Variants in NCAM2 observed in about 807,000 individuals in gnomAD.
The protein encoded by NCAM2 is N-CAM-2.
In NCAM2, 30 loss-of-function variants were observed where a neutral mutation model predicts 98.1. The observed-to-expected ratio is 0.31, with a 90% CI of 0.23 to 0.41. The LOEUF (loss-of-function observed/expected upper bound fraction) is 0.41, where lower values mean the gene tolerates loss of function less well. Among genes scored for constraint, NCAM2 ranks in the 10% least tolerant of loss-of-function variants. The pLI is 1.00. For synonymous variants in NCAM2, 368 were observed against 342.4 expected, an observed-to-expected ratio of 1.07 and a Z score of -0.83; for missense variants, 867 against 1,005.8, an observed-to-expected ratio of 0.86 and a Z score of 1.87.
intron 1 of NCAM2, among the ~76,000 whole-genome samples, chr21:21,184,602 T>C (rs1016733911): frequency 2.0e-5 from 3 of 152,138 alleles, no homozygotes; most frequent in Admixed American, 1.3e-4. Context: ...TTGTTAATAA[T>C]AACTAATCCA....
In NCAM2 at chr21:21,286,381, T is replaced by C. The variant is rs749320227; in HGVS notation, c.450T>C (p.Tyr150=). The C allele has an allele frequency of 6.8e-6, 11 of 1,612,314 alleles. No homozygotes were observed. The Middle Eastern group carries it at 6.6e-4, about 97-fold the overall frequency. The change falls in exon 4 of 18, where the codon TAT becomes TAC. Residue 150 remains tyrosine (Y), a synonymous_variant. Coordinates refer to ENST00000400546, the MANE Select transcript of NCAM2 (RefSeq NM_004540.5). ...SSPAPAVSWL[Y]HNEEVTTISD... ...CTGCACCTGCTGTCAGCTGGTTGTA[T>C]CATAATGAGGAAGTCACCACTATTT...
chr21:21,336,584 G>A (rs2074877604), intron 7 of NCAM2, among the ~76,000 whole-genome samples: 1 of 152,076 alleles, frequency 6.6e-6, no homozygotes, highest in South Asian at 2.1e-4. Context: ...AAGGACCAGT[G>A]TTTGCAGTTG....
chr21:21,300,837 T>A (rs1042084518), intron 5 of NCAM2, among the ~76,000 whole-genome samples: 1 of 152,062 alleles, frequency 6.6e-6, no homozygotes, highest in Non-Finnish European at 1.5e-5. Context: ...TTTACTATTA[T>A]CTTGAGAACA....
At chr21:21,210,646 G>A (rs2069615614) in intron 1 of NCAM2, 1 of 1,283,822 alleles carries the variant, frequency 7.8e-7, no homozygotes, top group African/African-American at 1.5e-5. Flanking sequence ...ATACAACGAA[G>A]CACTTTATCT....
intron 8 of NCAM2, among the ~76,000 whole-genome samples, chr21:21,351,798 G>A (rs891814169): frequency 1.3e-5 from 2 of 152,166 alleles, no homozygotes; most frequent in Non-Finnish European, 2.9e-5. Context: ...CCAAGCCAGA[G>A]TGCAGTGGCA....
At chr21:21,406,013 G>C (rs2076731217) in intron 9 of NCAM2, among the ~76,000 whole-genome samples, 1 of 152,032 alleles carries the variant, frequency 6.6e-6, no homozygotes, top group Non-Finnish European at 1.5e-5. Flanking sequence ...CTTCACATCT[G>C]TCTCTCTCAT....
At chr21:21,256,377 T>C (rs1179032106) in intron 1 of NCAM2, among the ~76,000 whole-genome samples, 1 of 152,024 alleles carries the variant, frequency 6.6e-6, no homozygotes, top group Non-Finnish European at 1.5e-5. Context: ...ATAATGATGA[T>C]AATAGTAATA....
chr21:21,135,853 T>C (rs1906140595), intron 1 of NCAM2, among the ~76,000 whole-genome samples: 2 of 152,214 alleles, frequency 1.3e-5, no homozygotes, highest in Admixed American at 6.5e-5. Context: ...GTTCAGAACA[T>C]GTGTCATGGA....
chr21:21,279,557 C>A (rs2072854046), intron 1 of NCAM2, among the ~76,000 whole-genome samples: 1 of 152,242 alleles, frequency 6.6e-6, no homozygotes, highest in South Asian at 2.1e-4. Context: ...CGGGGTTTCA[C>A]CATGTTTGCC....
At chr21:21,329,978 T>G (rs1160488208) in intron 6 of NCAM2, among the ~76,000 whole-genome samples, 1 of 152,110 alleles carries the variant, frequency 6.6e-6, no homozygotes, top group African/African-American at 2.4e-5. Context: ...ATTTGCATGT[T>G]TTCTGTAGTA....
Position 21,524,103 on chromosome 21 carries a change from A to C in NCAM2, c.2283-10434A>C, listed in dbSNP as rs571366097. Among the ~76,000 whole-genome samples, 515 of 152,090 alleles carry C rather than the reference A, an allele frequency of 3.4e-3. 3 individuals carry two copies. The highest frequency in any genetic ancestry group is 0.012 in the African/African-American group (494 of 41,512). On this transcript the variant is annotated intron_variant, in intron 16 of 17. Coordinates refer to ENST00000400546, the MANE Select transcript of NCAM2 (RefSeq NM_004540.5). ...TGAATTAAAGATAAATAGATAGAAA[A>C]AGACATACTATGCTAACATGAATCA...
At chr21:21,021,752 C>G (rs1041728198) in intron 1 of NCAM2, among the ~76,000 whole-genome samples, 2 of 152,112 alleles carry the variant, frequency 1.3e-5, no homozygotes, top group Non-Finnish European at 1.5e-5. Context: ...CCATATTTCT[C>G]CATCTCTTAT....
chr21:21,326,425 G>T (rs887316891), intron 6 of NCAM2, among the ~76,000 whole-genome samples: 1 of 152,148 alleles, frequency 6.6e-6, no homozygotes, highest in Non-Finnish European at 1.5e-5. Context: ...AGTTTGGTCA[G>T]TTTAGTTGTC....
At chr21:21,377,287 C>T (rs2076054535) in intron 9 of NCAM2, among the ~76,000 whole-genome samples, 1 of 151,634 alleles carries the variant, frequency 6.6e-6, no homozygotes. Flanking sequence ...TAAACATTTA[C>T]ATCACCCTCA....
At chr21:21,289,920 T>A (rs1174531808) in intron 4 of NCAM2, among the ~76,000 whole-genome samples, 2 of 151,934 alleles carry the variant, frequency 1.3e-5, no homozygotes, top group East Asian at 1.9e-4. Context: ...CAGGTCCTAA[T>A]GAAATATTGC....
At chr21:21,253,683 C>T (rs559032199) in intron 1 of NCAM2, among the ~76,000 whole-genome samples, 2 of 152,270 alleles carry the variant, frequency 1.3e-5, no homozygotes, top group Non-Finnish European at 2.9e-5. Flanking sequence ...GCAGGCCAAA[C>T]ATACTAAGAC....
chr21:21,130,706 A>G lies in NCAM2; in HGVS notation c.55+132088A>G, dbSNP rs545129067. On this transcript the variant is annotated intron_variant, in intron 1 of 17. Coordinates refer to ENST00000400546, the MANE Select transcript of NCAM2 (RefSeq NM_004540.5). The stretch of plus-strand genomic sequence containing the variant: ...CTTTAATTTTTGCTTACTCTGTGCC[A>G]TAACTTTTGCCTCTATGTAAATTAC... Among the ~76,000 whole-genome samples the G allele has an allele frequency of 2.7e-5, 4 of 145,578 alleles. No individual in the cohort carries two copies. The South Asian group carries it at 9.0e-4, about 33-fold the overall frequency.
At chr21:21,005,333 G>C (rs2064091927) in intron 1 of NCAM2, among the ~76,000 whole-genome samples, 1 of 152,168 alleles carries the variant, frequency 6.6e-6, no homozygotes. Flanking sequence ...AATACAAATT[G>C]AGAAATTGGT....
intron 1 of NCAM2, among the ~76,000 whole-genome samples, chr21:21,189,965 A>G (rs1010817944): frequency 6.6e-6 from 1 of 152,162 alleles, no homozygotes; most frequent in Non-Finnish European, 1.5e-5. Flanking sequence ...TAGATGGGCA[A>G]GGTGGTTCTA....
Sources: allele counts gnomAD v4.1 joint callset (sites outside exome capture counted in the v4.1 genomes callset), GRCh38; gene constraint gnomAD v4.1.1; transcripts MANE v1.5; gene names NCBI Gene and HGNC (gene_info 2026-07-23, HGNC 2026-07-21).